The following PCDHA1 variants were observed in gnomAD, a reference collection of about 807,000 sequenced individuals.
PCDHA1 encodes the protein protocadherin alpha-1.
In PCDHA1, 42 loss-of-function variants were observed where a neutral mutation model predicts 61.3. That is an observed-to-expected ratio of 0.69 (90% CI 0.54 to 0.89). PCDHA1 has a LOEUF of 0.89. Ranked by LOEUF, PCDHA1 falls within the 40% of genes least tolerant of loss-of-function variation. The probability of loss-of-function intolerance (pLI) is 0.00; values close to 1 mark genes in which losing one functional copy is unlikely to be tolerated. For missense variants in PCDHA1, 1,256 were observed against 1,235.3 expected (o/e 1.02, Z -0.25); for synonymous variants, 610 against 553.8 (o/e 1.10, Z -1.43).
In PCDHA1 at chr5:140,808,936, G is replaced by T. The variant is rs553655178; in HGVS notation, c.2394+20252G>T. The T allele has an allele frequency of 2.5e-5, 40 of 1,613,736 alleles. No individual in the cohort carries two copies. In the South Asian group the frequency reaches 3.4e-4, roughly 14 times the overall value. On this transcript the variant is annotated intron_variant, in intron 1 of 3. Transcript: ENST00000504120. The stretch of plus-strand genomic sequence containing the variant: ...GCGCAGTGAGCGAGCTGGTGCCATG[G>T]TCGGTGGGTGTGGGCCACGTGGTGG...
At chr5:140,928,272 T>TG in intron 1 of PCDHA1, 1 of 1,614,156 alleles carries the variant, frequency 6.2e-7, no homozygotes, top group Admixed American at 1.7e-5. Context: ...ACAATGGCCC[T>TG]GGGGCCTCTC....
At chr5:140,961,864 AG>A (rs2095638942) in intron 1 of PCDHA1, among the ~76,000 whole-genome samples, 3 of 151,832 alleles carry the variant, frequency 2.0e-5, no homozygotes, top group Non-Finnish European at 2.9e-5. Context: ...ATCTGGCCAC[AG>A]ATAATTGACT....
intron 1 of PCDHA1, chr5:140,807,830 A>T (rs1554124299): frequency 6.2e-7 from 1 of 1,614,204 alleles, no homozygotes; most frequent in Non-Finnish European, 8.5e-7. Flanking sequence ...GCTCACAGCC[A>T]CTGATGGAGG....
At chr5:140,839,650 T>C (rs1297660391) in intron 1 of PCDHA1, among the ~76,000 whole-genome samples, 1 of 152,088 alleles carries the variant, frequency 6.6e-6, no homozygotes, top group African/African-American at 2.4e-5. Flanking sequence ...TCTTTACAAA[T>C]TGTTTGCTAC....
intron 1 of PCDHA1, chr5:140,853,122 T>A: frequency 1.9e-6 from 1 of 528,258 alleles, no homozygotes; most frequent in Non-Finnish European, 2.5e-6. Flanking sequence ...CTCATGATCC[T>A]CCCGCCTCAG....
chr5:140,842,598 C>T lies in PCDHA1; in HGVS notation c.2394+53914C>T, dbSNP rs1554139208. Reference sequence around the variant, plus strand: ...GTGTCGGCCTATGAGTTGGTGGTAACCGCGCGGGACGGGGGCTCGCCTTCG... The same window carrying T: ...GTGTCGGCCTATGAGTTGGTGGTAATCGCGCGGGACGGGGGCTCGCCTTCG... On this transcript the variant is annotated intron_variant, in intron 1 of 3. Transcript: ENST00000504120. 3 of 1,542,098 alleles carry T rather than the reference C, an allele frequency of 1.9e-6. 1 individual carries two copies. Among genetic ancestry groups the T allele is most frequent in the Non-Finnish European group, 2.7e-6 (3 of 1,131,600 alleles).
intron 1 of PCDHA1, among the ~76,000 whole-genome samples, chr5:140,798,609 C>T (rs768815171): frequency 1.1e-4 from 17 of 152,144 alleles, no homozygotes; most frequent in Admixed American, 2.0e-4. Context: ...TAATTCTATG[C>T]GTGGGAATAC....
intron 1 of PCDHA1, among the ~76,000 whole-genome samples, chr5:140,901,937 A>G (rs2068997026): frequency 6.7e-6 from 1 of 148,692 alleles, no homozygotes; most frequent in South Asian, 2.1e-4. Context: ...ATTCCTAGGT[A>G]TATTTAGTTT....
chr5:140,999,180 GAGA>G (rs1554256675), intron 3 of PCDHA1, among the ~76,000 whole-genome samples: 1 of 152,238 alleles, frequency 6.6e-6, no homozygotes, highest in East Asian at 1.9e-4. Context: ...GCCTGATGGG[GAGA>G]GGGTCCTTGG....
At position 140,823,839 on chromosome 5, in the gene PCDHA1, C is replaced by T; in HGVS notation, c.2394+35155C>T. The T allele has an allele frequency of 1.9e-6, 3 of 1,613,784 alleles. No individual in the cohort carries two copies. In the South Asian group the frequency reaches 3.3e-5, roughly 18 times the overall value. On this transcript the variant is annotated intron_variant, in intron 1 of 3. Coordinates refer to ENST00000504120, the MANE Select transcript of PCDHA1 (RefSeq NM_018900.4). ...GGGCGTCGGCGGGCGCTGTGGGTCC[C>T]GAGGCTGCCCTGGTGGATGTCAACG...
chr5:140,942,926 GAA>G (rs1554215307), intron 1 of PCDHA1, among the ~76,000 whole-genome samples: 2 of 151,984 alleles, frequency 1.3e-5, no homozygotes, highest in East Asian at 3.9e-4. Flanking sequence ...AAAAAAAATT[GAA>G]AAAGAGTTTA....
In PCDHA1 at chr5:140,802,643, G is replaced by T. The variant is rs151289883; in HGVS notation, c.2394+13959G>T. ...TCTTCACGGTGTCTGCGCGGGACGC[G>T]GACGCGCAGGAGAACGCCCTGGTGT... On this transcript the variant is annotated intron_variant, in intron 1 of 3. Transcript: ENST00000504120. 640 of 1,613,628 alleles carry T rather than the reference G, an allele frequency of 4.0e-4. No individual in the cohort carries two copies. The highest frequency in any genetic ancestry group is 5.1e-4 in the Non-Finnish European group (598 of 1,179,888).
At chr5:140,878,400 A>C (rs1190004888) in intron 1 of PCDHA1, among the ~76,000 whole-genome samples, 2 of 152,218 alleles carry the variant, frequency 1.3e-5, no homozygotes, top group Non-Finnish European at 2.9e-5. Flanking sequence ...TGCTCACAAA[A>C]TATCTTCTTT....
chr5:140,795,327 G>T, intron 1 of PCDHA1: 2 of 1,614,238 alleles, frequency 1.2e-6, no homozygotes, highest in Non-Finnish European at 1.7e-6. Flanking sequence ...ATGTGGAAGT[G>T]GAGGTGAAGG....
At chr5:140,823,139 C>T (rs1317356250) in intron 1 of PCDHA1, 2 of 1,613,696 alleles carry the variant, frequency 1.2e-6, no homozygotes, top group Admixed American at 1.7e-5. Context: ...CCGGCGTTCG[C>T]GCAGCCCCAG....
chr5:141,003,520 C>T (rs1171208921), intron 3 of PCDHA1, among the ~76,000 whole-genome samples: 2 of 152,126 alleles, frequency 1.3e-5, no homozygotes, highest in Admixed American at 6.5e-5. Flanking sequence ...ACCATGTTCC[C>T]TAGGCTGGTC....
chr5:140,824,197 C>G, intron 1 of PCDHA1: 1 of 1,598,572 alleles, frequency 6.3e-7, no homozygotes, highest in Non-Finnish European at 8.6e-7. Context: ...CATTCACCCA[C>G]TTTTTTTGTA....
chr5:140,927,670 C>A lies in PCDHA1; in HGVS notation c.2395-51279C>A, dbSNP rs1006141153. ...GTTATTCCGAGTTCAAGCCTTGGATCCAGATGAAGGGTCCAATGGGGAAGT... is the reference window on the plus strand; with the variant it reads ...GTTATTCCGAGTTCAAGCCTTGGATACAGATGAAGGGTCCAATGGGGAAGT... On this transcript the variant is annotated intron_variant, in intron 1 of 3. Transcript: ENST00000504120. 2.5e-6 allele frequency: 4 copies of A among 1,614,166 alleles called. No homozygotes were observed. The highest frequency in any genetic ancestry group is 3.4e-6 in the Non-Finnish European group (4 of 1,180,028).
In PCDHA1 at chr5:140,801,668, A is replaced by G. The variant is rs782236983; in HGVS notation, c.2394+12984A>G. 11 of 1,614,112 alleles carry G rather than the reference A, an allele frequency of 6.8e-6. No individual in the cohort carries two copies. In the East Asian group the frequency reaches 2.0e-4, roughly 29 times the overall value. The stretch of plus-strand genomic sequence containing the variant: ...GCTCTCGGTTTTCGCTAGAGGGCGC[A>G]TCAGATGCAGATATCGGAACAAATT... On this transcript the variant is annotated intron_variant, in intron 1 of 3. Transcript: ENST00000504120.
Sources: gnomAD v4.1 joint callset for allele counts (sites outside exome capture counted in the v4.1 genomes callset) on GRCh38, gnomAD v4.1.1 for gene constraint, MANE v1.5 for transcripts, NCBI Gene and HGNC (gene_info 2026-07-23, HGNC 2026-07-21) for gene names.